Variants in PARP8 observed in about 807,000 individuals in gnomAD.
The protein encoded by PARP8 is poly(ADP-ribose) polymerase family member 8.
A neutral mutation model predicts 124.1 loss-of-function variants in PARP8; 51 were observed. That is an observed-to-expected ratio of 0.41 (90% CI 0.33 to 0.52). The LOEUF is 0.52. PARP8 is among the 20% of genes least tolerant of loss of function. The probability of loss-of-function intolerance (pLI) is 0.21; values close to 1 mark genes in which losing one functional copy is unlikely to be tolerated. For synonymous variants in PARP8, 391 were observed against 361.5 expected (o/e 1.08, Z -0.93); for missense variants, 860 against 1,018.9 (o/e 0.84, Z 2.12).
intron 7 of PARP8, among the ~76,000 whole-genome samples, chr5:50,774,656 C>T (rs1191769652): frequency 7.0e-6 from 1 of 142,484 alleles, no homozygotes; most frequent in Non-Finnish European, 1.5e-5. Context: ...CAGAGGCGCT[C>T]CTCACTTCCC....
intron 2 of PARP8, among the ~76,000 whole-genome samples, chr5:50,696,853 G>A (rs1372714515): frequency 6.6e-6 from 1 of 152,046 alleles, no homozygotes; most frequent in African/African-American, 2.4e-5. Flanking sequence ...GCTGCCGTCA[G>A]CCCCTCAGGA....
intron 12 of PARP8, among the ~76,000 whole-genome samples, chr5:50,796,073 C>G (rs1742513386): frequency 6.6e-6 from 1 of 152,180 alleles, no homozygotes; most frequent in Admixed American, 6.5e-5. Context: ...TTATCGCTAG[C>G]ATGATTGGCA....
At chr5:50,778,239 T>A (rs543820697) in intron 8 of PARP8, 110 bp downstream of exon 8, 2 of 826,812 alleles carry the variant, frequency 2.4e-6, no homozygotes, top group East Asian at 5.4e-5. Flanking sequence ...TAGTTACATA[T>A]TGACTGTTAA....
intron 2 of PARP8, among the ~76,000 whole-genome samples, chr5:50,676,557 T>C (rs1750663479): frequency 1.3e-5 from 2 of 152,244 alleles, no homozygotes. Context: ...AGATGGATAA[T>C]GATTCTGTGT....
intron 25 of PARP8, among the ~76,000 whole-genome samples, chr5:50,839,415 G>A (rs551207755): frequency 6.6e-6 from 1 of 152,002 alleles, no homozygotes; most frequent in Non-Finnish European, 1.5e-5. Context: ...GACATGTTCT[G>A]TATACCCTAT....
Position 50,727,269 on chromosome 5 carries a change from G to T in PARP8, c.147-22882G>T, listed in dbSNP as rs556187645. Among the ~76,000 whole-genome samples, 3 of 152,172 alleles carry T rather than the reference G, an allele frequency of 2.0e-5. No homozygotes were observed. In the South Asian group the frequency reaches 6.2e-4, roughly 32 times the overall value. On this transcript the variant is annotated intron_variant, in intron 2 of 25. Coordinates refer to ENST00000281631, the MANE Select transcript of PARP8 (RefSeq NM_024615.4). ...AAGAACTGCAGGCACATTTAGACAC[G>T]TTGTGAGTCAGACCTGGCTTTTGCG...
chr5:50,747,514 C>T lies in PARP8; in HGVS notation c.147-2637C>T, dbSNP rs374007260. 1.3e-4 allele frequency among the ~76,000 whole-genome samples: 20 copies of T among 151,438 alleles called. No individual in the cohort carries two copies. The South Asian group carries it at 3.7e-3, about 28-fold the overall frequency. On this transcript the variant is annotated intron_variant, in intron 2 of 25. Coordinates refer to ENST00000281631, the MANE Select transcript of PARP8 (RefSeq NM_024615.4). Reference sequence around the variant, plus strand: ...ATGATTGTTGAGTTGTTCATTTTTCCTCTATTTCTGTCAGGTTTTGCTTCA... The same window carrying T: ...ATGATTGTTGAGTTGTTCATTTTTCTTCTATTTCTGTCAGGTTTTGCTTCA...
chr5:50,723,856 C>T (rs76567802), intron 2 of PARP8, among the ~76,000 whole-genome samples: 3,015 of 152,068 alleles, frequency 0.02, 44 homozygotes, highest in Middle Eastern at 0.051. Flanking sequence ...GTTTTAAATT[C>T]GTGAGGCATT....
intron 15 of PARP8, among the ~76,000 whole-genome samples, chr5:50,818,301 T>C (rs1387376619): frequency 6.6e-6 from 1 of 151,776 alleles, no homozygotes; most frequent in East Asian, 1.9e-4. Context: ...GCAATCTCAG[T>C]CATTGTAACC....
At chr5:50,704,326 A>G (rs1283935665) in intron 2 of PARP8, among the ~76,000 whole-genome samples, 1 of 152,146 alleles carries the variant, frequency 6.6e-6, no homozygotes, top group Non-Finnish European at 1.5e-5. Context: ...CCACTTAACT[A>G]TCTTCTGTCA....
intron 2 of PARP8, among the ~76,000 whole-genome samples, chr5:50,673,809 T>C (rs1579903137): frequency 6.6e-6 from 1 of 152,360 alleles, no homozygotes; most frequent in East Asian, 1.9e-4. Flanking sequence ...TGCAAACATT[T>C]GGCAAATCCA....
At chr5:50,705,015 T>C (rs998215684) in intron 2 of PARP8, among the ~76,000 whole-genome samples, 9 of 152,216 alleles carry the variant, frequency 5.9e-5, no homozygotes, top group Admixed American at 6.5e-5. Context: ...GGGACAAATA[T>C]GACATTTACA....
chr5:50,824,662 G>C (rs1746140281), intron 17 of PARP8, among the ~76,000 whole-genome samples: 1 of 152,124 alleles, frequency 6.6e-6, no homozygotes, highest in Non-Finnish European at 1.5e-5. Flanking sequence ...GTAAATGGAA[G>C]CCAGGCTAAA....
intron 2 of PARP8, among the ~76,000 whole-genome samples, chr5:50,725,028 A>T (rs1484262141): frequency 6.6e-6 from 1 of 151,088 alleles, no homozygotes; most frequent in African/African-American, 2.4e-5. Flanking sequence ...AGAACACATT[A>T]TTTTGTCCCT....
Position 50,795,027 on chromosome 5 carries a change from C to T in PARP8, c.1038C>T (p.Ser346=), listed in dbSNP as rs748417836. The change falls in exon 12 of 26, where the codon AGC becomes AGT. Residue 346 remains serine, a synonymous_variant. Transcript: ENST00000281631. The part of the protein sequence containing the change: ...SHRTFGRSLS[S]DPRAEQAMTA... ...GGACCTTTGGCCGCTCCTTGTCCAG[C>T]GATCCCAGGGCGGAGCAGGCTATGA... The T allele has an allele frequency of 1.3e-5, 21 of 1,614,068 alleles. No individual in the cohort carries two copies. The highest frequency in any genetic ancestry group is 3.3e-5 in the Admixed American group (2 of 60,002).
chr5:50,778,594 C>T lies in PARP8; in HGVS notation c.614C>T (p.Thr205Ile). Residue 205 changes from threonine (T) to isoleucine (I), a missense_variant, in exon 9 of 26, where the codon ACA (threonine) becomes ATA (isoleucine). Physicochemically the swap from Thr to Ile is moderately conservative, Grantham distance 89. Coordinates refer to ENST00000281631, the MANE Select transcript of PARP8 (RefSeq NM_024615.4). The part of the protein sequence containing the change: ...EIAVAWEVIR[T>I]EPIIVRLHCS... Reference sequence around the variant, plus strand: ...GCTGTGGCTTGGGAAGTAATTCGAACAGAACCTATAATTGTTCGACTACAC... The same window carrying T: ...GCTGTGGCTTGGGAAGTAATTCGAATAGAACCTATAATTGTTCGACTACAC... 6.2e-7 allele frequency: 1 copy of T among 1,609,554 alleles called. No individual in the cohort carries two copies. Among genetic ancestry groups the T allele is most frequent in the Non-Finnish European group, 8.5e-7 (1 of 1,178,626 alleles).
chr5:50,691,779 G>A (rs1364214015), intron 2 of PARP8, among the ~76,000 whole-genome samples: 3 of 152,008 alleles, frequency 2.0e-5, no homozygotes, highest in African/African-American at 7.3e-5. Flanking sequence ...AATGAAACTC[G>A]TCATCTACTC....
At chr5:50,677,893 T>TCAACATCTGAATATTCTGATTTA (rs1750819749) in intron 2 of PARP8, among the ~76,000 whole-genome samples, 1 of 151,786 alleles carries the variant, frequency 6.6e-6, no homozygotes, top group African/African-American at 2.4e-5. Context: ...AAAGACTTTT[T>TCAACATCTGAATATTCTGATTTA]CAACATCTGA....
Position 50,795,085 on chromosome 5 carries a change from C to T in PARP8, c.1096C>T (p.Pro366Ser), listed in dbSNP as rs1742381765. Residue 366 changes from proline (P) to serine (S), a missense_variant, in exon 12 of 26, where the codon CCT becomes TCT. Pro to Ser is a moderately conservative substitution (Grantham distance 74). Coordinates refer to ENST00000281631, the MANE Select transcript of PARP8 (RefSeq NM_024615.4). ...TAAATCGCACAAACTTTTGAACCGT[C>T]CTTGCCCTGCAGCTGTTAAGTCAGA... is the stretch of plus-strand genomic sequence containing the variant. ...AIKSHKLLNRPCPAAVKSEEC... is the reference protein window; with the variant it reads ...AIKSHKLLNRSCPAAVKSEEC... 6.2e-7 allele frequency: 1 copy of T among 1,614,066 alleles called. No homozygotes were observed. Among genetic ancestry groups the T allele is most frequent in the African/African-American group, 1.3e-5 (1 of 74,922 alleles).
Sources: gnomAD v4.1 joint callset for allele counts (sites outside exome capture counted in the v4.1 genomes callset) on GRCh38, gnomAD v4.1.1 for gene constraint, MANE v1.5 for transcripts, NCBI Gene and HGNC (gene_info 2026-07-23, HGNC 2026-07-21) for gene names.